Variants in ANKRD12 observed in about 807,000 individuals in gnomAD.
ANKRD12 encodes ankyrin repeat domain 12.
ANKRD12 carries 85 observed loss-of-function variants against 183.4 expected under a neutral mutation model. The ratio of observed to expected loss-of-function variants is 0.46; its 90% CI spans 0.39 to 0.56. The LOEUF (loss-of-function observed/expected upper bound fraction) is 0.56, where lower values mean the gene tolerates loss of function less well. Among genes scored for constraint, ANKRD12 ranks in the 20% least tolerant of loss-of-function variants. The pLI is 0.00. For missense variants in ANKRD12, 2,405 were observed against 2,357.1 expected (o/e 1.02, Z -0.42); for synonymous variants, 914 against 800.2 (o/e 1.14, Z -2.40).
chr18:9,279,542 C>G lies in ANKRD12; in HGVS notation c.5908-7C>G, dbSNP rs778432447. 1 of 1,548,350 alleles carries G rather than the reference C, an allele frequency of 6.5e-7. No homozygotes were observed. The highest frequency in any genetic ancestry group is 1.2e-5 in the South Asian group (1 of 86,086). On this transcript the variant is annotated splice_polypyrimidine_tract_variant and splice_region_variant and intron_variant, in intron 11 of 12. Coordinates refer to ENST00000262126, the MANE Select transcript of ANKRD12 (RefSeq NM_015208.5). ...TGTATTTTATAATACTCACTTTTCT[C>G]TTTTAGTCTGATGACAGTAAAACTT...
At chr18:9,170,399 G>T (rs1568247735) in intron 1 of ANKRD12, among the ~76,000 whole-genome samples, 1 of 152,158 alleles carries the variant, frequency 6.6e-6, no homozygotes, top group Non-Finnish European at 1.5e-5. Flanking sequence ...TTTCTTGGAG[G>T]TTTTGTTTGT....
chr18:9,197,363 G>A (rs1389210008), intron 3 of ANKRD12, among the ~76,000 whole-genome samples: 1 of 152,110 alleles, frequency 6.6e-6, no homozygotes, highest in Non-Finnish European at 1.5e-5. Flanking sequence ...TCTTCCTTTT[G>A]AAAAGTTAAC....
intron 1 of ANKRD12, among the ~76,000 whole-genome samples, chr18:9,166,684 G>T (rs1280476908): frequency 6.6e-6 from 1 of 151,884 alleles, no homozygotes; most frequent in Non-Finnish European, 1.5e-5. Flanking sequence ...TCACTCTGAT[G>T]GTAGTTTCTT....
At chr18:9,271,355 C>A (rs2039592690) in intron 10 of ANKRD12, among the ~76,000 whole-genome samples, 1 of 152,118 alleles carries the variant, frequency 6.6e-6, no homozygotes, top group African/African-American at 2.4e-5. Flanking sequence ...GAAACCCCGT[C>A]TCTACTAAAA....
chr18:9,226,641 A>G lies in ANKRD12; in HGVS notation c.943+4642A>G, dbSNP rs1473539987. On this transcript the variant is annotated intron_variant, in intron 8 of 12. Transcript: ENST00000262126. ...ACATCAGAAAGGGTGGGTGGAGGAA[A>G]AACAAACCAGTGATTATATGGTAGA... Among the ~76,000 whole-genome samples, 5 of 152,228 alleles carry G rather than the reference A, an allele frequency of 3.3e-5. No individual in the cohort carries two copies. In the South Asian group the frequency reaches 1.0e-3, roughly 32 times the overall value.
At chr18:9,270,460 C>T (rs1304341352) in intron 10 of ANKRD12, among the ~76,000 whole-genome samples, 1 of 152,154 alleles carries the variant, frequency 6.6e-6, no homozygotes, top group African/African-American at 2.4e-5. Context: ...TTTATGTCCT[C>T]TGTCGGGACA....
chr18:9,256,067 AAAAAT>A lies in ANKRD12; in HGVS notation c.2804_2808del (p.Asn935ThrfsTer4). ...CAAAGAAAAGCACTTGATGGAGAAA[AAAAAT>A]AAACAATCAGATAATAGTGAATACA... On this transcript the variant is annotated frameshift_variant, in exon 9 of 13. Coordinates refer to ENST00000262126, the MANE Select transcript of ANKRD12 (RefSeq NM_015208.5). LOFTEE classifies it high-confidence loss of function. 6.4e-7 allele frequency: 1 copy of A among 1,562,094 alleles called. No individual in the cohort carries two copies. Among genetic ancestry groups the A allele is most frequent in the Non-Finnish European group, 8.6e-7 (1 of 1,160,362 alleles).
intron 1 of ANKRD12, among the ~76,000 whole-genome samples, chr18:9,160,253 C>A (rs1257957395): frequency 6.6e-6 from 1 of 152,124 alleles, no homozygotes; most frequent in African/African-American, 2.4e-5. Context: ...GTAGCTGGGA[C>A]CACAGACTGT....
intron 3 of ANKRD12, among the ~76,000 whole-genome samples, chr18:9,202,724 C>G (rs1276474876): frequency 6.6e-6 from 1 of 152,162 alleles, no homozygotes; most frequent in Non-Finnish European, 1.5e-5. Flanking sequence ...GTGGTAGTCT[C>G]ATACAGCCTA....
chr18:9,163,420 G>A (rs575064070), intron 1 of ANKRD12, among the ~76,000 whole-genome samples: 3 of 152,242 alleles, frequency 2.0e-5, no homozygotes, highest in African/African-American at 7.2e-5. Context: ...TTTTGTACCA[G>A]TACCTTGCTG....
chr18:9,187,605 C>T (rs953961723), intron 2 of ANKRD12, among the ~76,000 whole-genome samples: 2 of 152,008 alleles, frequency 1.3e-5, no homozygotes, highest in Non-Finnish European at 2.9e-5. Context: ...TATGTAAAGT[C>T]CTCTCATTAA....
intron 1 of ANKRD12, among the ~76,000 whole-genome samples, chr18:9,150,965 A>T (rs929479400): frequency 3.3e-5 from 1 of 30,280 alleles, no homozygotes; most frequent in Non-Finnish European, 1.0e-4. Flanking sequence ...TTTTGTGATT[A>T]AAAAAAAAAT....
At position 9,228,370 on chromosome 18, in the gene ANKRD12, A is replaced by G. The variant is rs1243573619; in HGVS notation, c.943+6371A>G. 2.6e-5 allele frequency among the ~76,000 whole-genome samples: 4 copies of G among 152,042 alleles called. No homozygotes were observed. In the South Asian group the frequency reaches 8.3e-4, roughly 32 times the overall value. On this transcript the variant is annotated intron_variant, in intron 8 of 12. Coordinates refer to ENST00000262126, the MANE Select transcript of ANKRD12 (RefSeq NM_015208.5). Reference sequence around the variant, plus strand: ...TAGTGGGATTGCTGGATGGTATTCTATTTTTAATTTTCTGAGAAATCTCCA... The same window carrying G: ...TAGTGGGATTGCTGGATGGTATTCTGTTTTTAATTTTCTGAGAAATCTCCA...
intron 1 of ANKRD12, among the ~76,000 whole-genome samples, chr18:9,177,275 T>TTA (rs1567880711): frequency 6.6e-6 from 1 of 152,170 alleles, no homozygotes; most frequent in Non-Finnish European, 1.5e-5. Flanking sequence ...ACACCAAGTA[T>TTA]TCTCATTCAG....
chr18:9,256,028 C>T lies in ANKRD12; in HGVS notation c.2761C>T (p.His921Tyr). The part of the protein sequence containing the change: ...HDKEKPEKER[H>Y]LAESKEKHLM... ...CAAAGAAAAGCCTGAAAAAGAGAGGCATCTAGCAGAAAGCAAAGAAAAGCA... is the reference window on the plus strand; with the variant it reads ...CAAAGAAAAGCCTGAAAAAGAGAGGTATCTAGCAGAAAGCAAAGAAAAGCA... The change falls in exon 9 of 13, where the codon CAT (histidine) becomes TAT (tyrosine). Residue 921 changes from histidine to tyrosine, a missense_variant. Around this residue, in one of 7 missense-constraint regions of ANKRD12, gnomAD observed 1,983 missense variants for 1,725.9 expected, o/e 1.15. Coordinates refer to ENST00000262126, the MANE Select transcript of ANKRD12 (RefSeq NM_015208.5). 6.4e-7 allele frequency: 1 copy of T among 1,555,366 alleles called. No homozygotes were observed.
chr18:9,139,523 T>G (rs2078246241), intron 1 of ANKRD12, among the ~76,000 whole-genome samples: 1 of 152,210 alleles, frequency 6.6e-6, no homozygotes, highest in Admixed American at 6.5e-5. Context: ...CATTCTTACG[T>G]TTTAGGAGCA....
intron 2 of ANKRD12, among the ~76,000 whole-genome samples, chr18:9,184,270 C>G (rs892625948): frequency 2.0e-5 from 3 of 152,146 alleles, no homozygotes; most frequent in African/African-American, 7.2e-5. Context: ...TTAATTTCTT[C>G]CTATGGATTT....
intron 1 of ANKRD12, among the ~76,000 whole-genome samples, chr18:9,154,695 G>A (rs2030134098): frequency 6.6e-6 from 1 of 152,214 alleles, no homozygotes; most frequent in Admixed American, 6.5e-5. Context: ...GATGATGGTG[G>A]CTTGGATTAG....
intron 8 of ANKRD12, among the ~76,000 whole-genome samples, chr18:9,253,773 G>A (rs975604949): frequency 2.0e-5 from 3 of 152,186 alleles, no homozygotes; most frequent in Non-Finnish European, 4.4e-5. Flanking sequence ...TACACTGTTG[G>A]TGAGAAACAG....
Sources: allele counts gnomAD v4.1 joint callset (sites outside exome capture counted in the v4.1 genomes callset), GRCh38; gene constraint gnomAD v4.1.1; regional missense constraint gnomAD v4.1.1; transcripts MANE v1.5; gene names NCBI Gene and HGNC (gene_info 2026-07-23, HGNC 2026-07-21).